The following CTBP1 variants were observed in gnomAD, a reference collection of about 807,000 sequenced individuals.
The protein encoded by CTBP1 is C-terminal-binding protein 1.
Under a neutral mutation model 42.1 loss-of-function variants are expected in CTBP1, and 11 were observed. The observed-to-expected ratio is 0.26, with a 90% CI of 0.16 to 0.43. CTBP1 has a LOEUF of 0.43. CTBP1 is among the 20% of genes least tolerant of loss of function. The probability of loss-of-function intolerance (pLI) is 1.00; values close to 1 mark genes in which losing one functional copy is unlikely to be tolerated. For missense variants in CTBP1, 399 were observed against 624.3 expected, an observed-to-expected ratio of 0.64 and a Z score of 3.85; for synonymous variants, 324 against 277.1, an observed-to-expected ratio of 1.17 and a Z score of -1.68.
intron 6 of CTBP1, chr4:1,215,788 A>G (rs1469896858): frequency 9.9e-6 from 6 of 604,806 alleles, no homozygotes; most frequent in Non-Finnish European, 1.8e-5. Flanking sequence ...AGTATTTTAG[A>G]TGTCCTGAGT....
At chr4:1,240,064 G>T (rs1732003589) in intron 2 of CTBP1, among the ~76,000 whole-genome samples, 2 of 152,382 alleles carry the variant, frequency 1.3e-5, no homozygotes, top group South Asian at 4.1e-4. Flanking sequence ...TTTCACTTCT[G>T]ATGAGGAAGG....
chr4:1,241,889 A>C, intron 1 of CTBP1: 1 of 1,066,060 alleles, frequency 9.4e-7, no homozygotes, highest in Non-Finnish European at 1.1e-6. Context: ...TGGGCAGGGA[A>C]ACTGCGGAAA....
In CTBP1 at chr4:1,249,060, G is replaced by T; in HGVS notation, c.-333C>A. On this transcript the variant is annotated 5_prime_UTR_variant, in exon 1 of 10. Transcript: ENST00000382952. ...GCGCCGTCCGCTGCTCCGCCCGCCC[G>T]CCTGCGCCTGGCCGCCGCCGTGCCG... 1 of 424,806 alleles carries T rather than the reference G, an allele frequency of 2.4e-6. No individual in the cohort carries two copies. Among genetic ancestry groups the T allele is most frequent in the South Asian group, 9.5e-5 (1 of 10,550 alleles). The allele number at this position is 424,806 out of a possible 1,614,324, so 26.3% of individuals were successfully genotyped here. A position where few individuals can be genotyped will look rare whatever the true frequency, so the allele number is the denominator to read the frequency against.
At chr4:1,227,331 G>A (rs367947904) in intron 4 of CTBP1, among the ~76,000 whole-genome samples, 1,557 of 151,184 alleles carry the variant, frequency 0.01, 32 homozygotes, top group African/African-American at 0.035. Flanking sequence ...GCATGTGCAC[G>A]GGTGCAGATG....
At chr4:1,216,896 T>A in intron 5 of CTBP1, 1 of 154,480 alleles carries the variant, frequency 6.5e-6, no homozygotes, top group Non-Finnish European at 1.4e-5. Context: ...GCCAACAGCA[T>A]GGCTGCAAAG....
At chr4:1,221,556 G>A (rs957378934) in intron 5 of CTBP1, 2 of 168,946 alleles carry the variant, frequency 1.2e-5, no homozygotes, top group African/African-American at 2.4e-5. Flanking sequence ...TGATGGAACC[G>A]TTATCAGAAA....
chr4:1,219,224 C>T (rs1729474919), intron 5 of CTBP1, among the ~76,000 whole-genome samples: 2 of 152,012 alleles, frequency 1.3e-5, no homozygotes, highest in Non-Finnish European at 2.9e-5. Flanking sequence ...CAGTGGCACG[C>T]ACCTATAGTC....
Position 1,212,275 on chromosome 4 carries a change from C to A in CTBP1, c.1255G>T (p.Glu419Ter), listed in dbSNP as rs868723811. 8.7e-7 allele frequency: 1 copy of A among 1,152,564 alleles called. No individual in the cohort carries two copies. Among genetic ancestry groups the A allele is most frequent in the Non-Finnish European group, 1.1e-6 (1 of 870,408 alleles). 71.4% of individuals were successfully genotyped at this position (1,152,564 alleles called of 1,614,324 possible). Residue 419 changes from glutamate to a stop codon, truncating the protein, a stop_gained, in exon 10 of 10, where the codon GAG becomes TAG. Coordinates refer to ENST00000382952, the MANE Select transcript of CTBP1 (RefSeq NM_001012614.2). LOFTEE classifies it high-confidence loss of function. ...APSPGQTVKP[E>*]ADRDHASDQL is the part of the protein sequence containing the mutation. ...TCACTGGCGTGGTCTCTATCCGCCT[C>A]GGGCTTGACGGTTTGGCCAGGAGAA...
At chr4:1,242,121 C>T (rs1292296019) in intron 1 of CTBP1, 1 of 985,350 alleles carries the variant, frequency 1.0e-6, no homozygotes, top group African/African-American at 1.7e-5. Flanking sequence ...AACTGCTCAG[C>T]TCTTCCTGAC....
At chr4:1,232,658 TC>T (rs1238252879) in intron 3 of CTBP1, among the ~76,000 whole-genome samples, 1 of 152,222 alleles carries the variant, frequency 6.6e-6, no homozygotes, top group Non-Finnish European at 1.5e-5. Flanking sequence ...AGTGACCTTT[TC>T]CTCTGTAGTA....
At chr4:1,224,972 T>C (rs919481262) in intron 5 of CTBP1, among the ~76,000 whole-genome samples, 2 of 151,878 alleles carry the variant, frequency 1.3e-5, no homozygotes, top group African/African-American at 4.8e-5. Context: ...CTGATTTCTG[T>C]GTGAGGCTGT....
rs545292716 is a variant in CTBP1 at position 1,236,493 on chromosome 4, A to G, written c.162+1690T>C. On this transcript the variant is annotated intron_variant, in intron 3 of 9. Transcript: ENST00000382952. ...GCATCCCGAGGACCTGCTCTCTGGG[A>G]AAAAACTGAAAATGAATCAAGAAGC... 1.5e-3 allele frequency: 926 copies of G among 597,782 alleles called. 16 individuals carry two copies. In the South Asian group the frequency reaches 0.016, roughly 11 times the overall value. The allele number at this position is 597,782 out of a possible 1,614,324, so 37.0% of individuals were successfully genotyped here.
At chr4:1,221,704 C>T (rs1577031100) in intron 5 of CTBP1, 5 of 349,484 alleles carry the variant, frequency 1.4e-5, no homozygotes, top group Admixed American at 3.7e-5. Flanking sequence ...AAGCGGGACC[C>T]GGGTCCTCGC....
intron 1 of CTBP1, chr4:1,248,574 T>TA: frequency 1.7e-6 from 1 of 590,392 alleles, no homozygotes; most frequent in Non-Finnish European, 2.1e-6. Flanking sequence ...GGACCCGGGG[T>TA]GCCGTCCCGG....
rs755425614 is a variant in CTBP1 at position 1,213,462 on chromosome 4, C to T, written c.988+16G>A. 2.2e-5 allele frequency: 36 copies of T among 1,607,538 alleles called. No homozygotes were observed. The highest frequency in any genetic ancestry group is 1.7e-4 in the Admixed American group (10 of 59,966). ...GAAGGGACCCCCAGGCCTGACCGAG[C>T]GGCCCCCACGCCCACCTGTGATGGC... On this transcript the variant is annotated intron_variant, in intron 8 of 9. Coordinates refer to ENST00000382952, the MANE Select transcript of CTBP1 (RefSeq NM_001012614.2).
intron 3 of CTBP1, among the ~76,000 whole-genome samples, chr4:1,230,278 A>T (rs1730828663): frequency 6.6e-6 from 1 of 152,200 alleles, no homozygotes; most frequent in African/African-American, 2.4e-5. Flanking sequence ...ACTGGTGCAC[A>T]GCTGTGGTGG....
chr4:1,223,139 C>T (rs1729937599), intron 5 of CTBP1, among the ~76,000 whole-genome samples: 1 of 152,140 alleles, frequency 6.6e-6, no homozygotes, highest in Non-Finnish European at 1.5e-5. Context: ...CCCCGAGTCC[C>T]CGGCCCCTCC....
At position 1,238,056 on chromosome 4, in the gene CTBP1, T is replaced by C. The variant is rs1335121485; in HGVS notation, c.162+127A>G. ...CCACCTCCTGACGGCGCGGGACGAC[T>C]GGGACAGAGGCTGCTCCTGCCCCAG... On this transcript the variant is annotated intron_variant, in intron 3 of 9. Transcript: ENST00000382952. The surrounding 1 kb of genome is among the most constrained non-coding windows in gnomAD (Gnocchi z 5.9). 7.8e-7 allele frequency: 1 copy of C among 1,282,490 alleles called. No individual in the cohort carries two copies. The highest frequency in any genetic ancestry group is 1.2e-5 in the South Asian group (1 of 84,644). The allele number at this position is 1,282,490 out of a possible 1,614,324, so 79.4% of individuals were successfully genotyped here. A position where few individuals can be genotyped will look rare whatever the true frequency, so the allele number is the denominator to read the frequency against.
In CTBP1 at chr4:1,238,762, G is replaced by A. The variant is rs1234671212; in HGVS notation, c.8-425C>T. On this transcript the variant is annotated intron_variant, in intron 2 of 9. Coordinates refer to ENST00000382952, the MANE Select transcript of CTBP1 (RefSeq NM_001012614.2). The surrounding 1 kb of genome is among the most constrained non-coding windows in gnomAD (Gnocchi z 5.9). ...TCCCCAAGACATTTCCAGACCCACC[G>A]AGACACCTCCCGACCCTCCTAGGCC... Among the ~76,000 whole-genome samples, 1 of 150,736 alleles carries A rather than the reference G, an allele frequency of 6.6e-6. No homozygotes were observed. Among genetic ancestry groups the A allele is most frequent in the Non-Finnish European group, 1.5e-5 (1 of 67,670 alleles).
Sources: gnomAD v4.1 joint callset for allele counts (sites outside exome capture counted in the v4.1 genomes callset) on GRCh38, gnomAD v4.1.1 for gene constraint, Gnocchi (gnomAD v3.1) non-coding constraint, MANE v1.5 for transcripts, NCBI Gene and HGNC (gene_info 2026-07-23, HGNC 2026-07-21) for gene names.